MYO5B: variants seen among roughly 807,000 people sequenced by gnomAD.
MYO5B encodes unconventional myosin-Vb.
In MYO5B, 143 loss-of-function variants were observed where a neutral mutation model predicts 229.3. The observed-to-expected ratio is 0.62, with a 90% CI of 0.54 to 0.72. MYO5B has a LOEUF of 0.72. Ranked by LOEUF, MYO5B falls within the 30% of genes least tolerant of loss-of-function variation. The pLI is 0.00. For synonymous variants in MYO5B, 918 were observed against 885.2 expected (o/e 1.04, Z -0.66); for missense variants, 2,321 against 2,331.0 (o/e 1.00, Z 0.09).
chr18:50,025,649 C>T (rs576407795), intron 4 of MYO5B, among the ~76,000 whole-genome samples: 74 of 152,334 alleles, frequency 4.9e-4, no homozygotes, highest in Non-Finnish European at 9.0e-4. Context: ...TGCTCTTTAA[C>T]CCAGCCTAGA....
At chr18:49,956,432 G>A (rs981744754) in intron 12 of MYO5B, among the ~76,000 whole-genome samples, 2 of 152,216 alleles carry the variant, frequency 1.3e-5, no homozygotes, top group Non-Finnish European at 2.9e-5. Context: ...TTAAATAGCA[G>A]AGCTGGTGTT....
At chr18:50,112,474 A>G (rs2031883255) in intron 1 of MYO5B, among the ~76,000 whole-genome samples, 1 of 152,136 alleles carries the variant, frequency 6.6e-6, no homozygotes, top group Non-Finnish European at 1.5e-5. Flanking sequence ...CCACACCCAA[A>G]TGGGGCTCCA....
rs551408546 is a variant in MYO5B at position 50,047,526 on chromosome 18, G to A, written c.139-7212C>T. 1.6e-4 allele frequency among the ~76,000 whole-genome samples: 24 copies of A among 152,314 alleles called. No individual in the cohort carries two copies. The East Asian group carries it at 2.1e-3, about 13-fold the overall frequency. ...ACTAGTTCAACCATTGTGGAAGTCA[G>A]TGTGGCGATTCCTCAGGGATCTAGA... On this transcript the variant is annotated intron_variant, in intron 2 of 39. Coordinates refer to ENST00000285039, the MANE Select transcript of MYO5B (RefSeq NM_001080467.3).
intron 9 of MYO5B, among the ~76,000 whole-genome samples, chr18:49,979,422 G>T (rs555335630): frequency 6.6e-6 from 1 of 152,288 alleles, no homozygotes; most frequent in African/African-American, 2.4e-5. Flanking sequence ...CACAGATTGT[G>T]TATCCATCCA....
At chr18:49,854,578 G>C (rs1468727206) in intron 30 of MYO5B, among the ~76,000 whole-genome samples, 2 of 152,172 alleles carry the variant, frequency 1.3e-5, no homozygotes, top group African/African-American at 2.4e-5. Context: ...CTAGGGTGCT[G>C]GGGGAGAGGT....
At chr18:49,921,708 A>T (rs1391426277) in intron 17 of MYO5B, among the ~76,000 whole-genome samples, 1 of 152,098 alleles carries the variant, frequency 6.6e-6, no homozygotes, top group African/African-American at 2.4e-5. Context: ...AATTTGGGGA[A>T]GGGGGGTAAG....
chr18:49,880,284 C>A (rs1017616483), intron 23 of MYO5B, 87 bp downstream of exon 23: 4 of 1,127,144 alleles, frequency 3.5e-6, no homozygotes, highest in African/African-American at 3.1e-5. Context: ...TCTAGTCTAA[C>A]TGCATGCTTG....
intron 10 of MYO5B, among the ~76,000 whole-genome samples, chr18:49,973,057 C>T (rs1355189604): frequency 6.6e-6 from 1 of 152,174 alleles, no homozygotes. Context: ...GCTTGCCCAA[C>T]TGTGCAAGCG....
intron 14 of MYO5B, among the ~76,000 whole-genome samples, chr18:49,942,424 G>A (rs1232542185): frequency 5.0e-5 from 7 of 140,910 alleles, no homozygotes; most frequent in African/African-American, 1.6e-4. Context: ...AGAGTGAACA[G>A]GCAACCTACA....
chr18:50,014,115 A>C (rs2026191257), intron 4 of MYO5B, among the ~76,000 whole-genome samples: 1 of 152,198 alleles, frequency 6.6e-6, no homozygotes, highest in South Asian at 2.1e-4. Flanking sequence ...GTATCATAAA[A>C]ATGACATTGA....
At chr18:50,143,506 A>G (rs901406044) in intron 1 of MYO5B, among the ~76,000 whole-genome samples, 22 of 152,226 alleles carry the variant, frequency 1.4e-4, no homozygotes, top group African/African-American at 5.3e-4. Context: ...CACCAGCCAC[A>G]GGATGGGGCA....
At chr18:50,186,023 T>C (rs1312688021) in intron 1 of MYO5B, among the ~76,000 whole-genome samples, 2 of 152,260 alleles carry the variant, frequency 1.3e-5, no homozygotes, top group African/African-American at 2.4e-5. Flanking sequence ...AATTTTCTAA[T>C]AACCACATTT....
chr18:50,142,024 T>C (rs1193924264), intron 1 of MYO5B, among the ~76,000 whole-genome samples: 2 of 152,234 alleles, frequency 1.3e-5, no homozygotes, highest in Non-Finnish European at 2.9e-5. Flanking sequence ...TGAGACTTTC[T>C]TTACTCTGAT....
At chr18:50,187,857 A>C (rs1371204252) in intron 1 of MYO5B, among the ~76,000 whole-genome samples, 1 of 151,982 alleles carries the variant, frequency 6.6e-6, no homozygotes, top group Non-Finnish European at 1.5e-5. Context: ...GAAAGACAAA[A>C]AACTGAGCAA....
At position 50,040,752 on chromosome 18, in the gene MYO5B, C is replaced by T. The variant is rs187633288; in HGVS notation, c.139-438G>A. Among the ~76,000 whole-genome samples, 10 of 152,250 alleles carry T rather than the reference C, an allele frequency of 6.6e-5. No homozygotes were observed. The East Asian group carries it at 1.5e-3, about 24-fold the overall frequency. ...TATCTGATGAACTGCCCTCTATAAG[C>T]GGCCTCAAGTTGAACCATTTGTGCA... On this transcript the variant is annotated intron_variant, in intron 2 of 39. Transcript: ENST00000285039.
At chr18:49,881,087 A>T (rs1826167385) in intron 22 of MYO5B, among the ~76,000 whole-genome samples, 1 of 152,248 alleles carries the variant, frequency 6.6e-6, no homozygotes, top group South Asian at 2.1e-4. Context: ...GGAAGCAAGG[A>T]GCCCCCAACC....
chr18:50,136,153 C>A (rs1247706108), intron 1 of MYO5B, among the ~76,000 whole-genome samples: 10 of 152,168 alleles, frequency 6.6e-5, no homozygotes, highest in Admixed American at 4.6e-4. Flanking sequence ...AGGAGCTTCA[C>A]AGGAGGATGA....
chr18:50,013,060 A>G (rs2144345970), intron 4 of MYO5B, among the ~76,000 whole-genome samples: 1 of 152,326 alleles, frequency 6.6e-6, no homozygotes. Context: ...TCTTTAGTAC[A>G]ATGTCCCAAA....
At chr18:49,852,926 TG>T (rs2024218458) in intron 31 of MYO5B, among the ~76,000 whole-genome samples, 1 of 152,332 alleles carries the variant, frequency 6.6e-6, no homozygotes, top group Non-Finnish European at 1.5e-5. Flanking sequence ...CTGACCAATC[TG>T]CAAGCTCTCA....
Sources: allele counts gnomAD v4.1 joint callset (sites outside exome capture counted in the v4.1 genomes callset), GRCh38; gene constraint gnomAD v4.1.1; transcripts MANE v1.5; gene names NCBI Gene and HGNC (gene_info 2026-07-23, HGNC 2026-07-21).